The following DNAH7 variants were observed in gnomAD, a reference collection of about 807,000 sequenced individuals.
The protein encoded by DNAH7 is dynein axonemal heavy chain 7.
In DNAH7, 397 loss-of-function variants were observed where a neutral mutation model predicts 444.6. The ratio of observed to expected loss-of-function variants is 0.89; its 90% CI spans 0.82 to 0.97. DNAH7 has a LOEUF of 0.97. DNAH7 is among the 50% of genes least tolerant of loss of function. DNAH7 has a pLI of 0.00. For synonymous variants in DNAH7, 1,636 were observed against 1,624.4 expected (o/e 1.01, Z -0.17); for missense variants, 4,902 against 4,800.8 (o/e 1.02, Z -0.62).
rs1448542022 is a variant in DNAH7 at position 195,897,658 on chromosome 2, T to C, written c.4647+9A>G. The C allele has an allele frequency of 2.6e-6, 4 of 1,512,810 alleles. No homozygotes were observed. The highest frequency in any genetic ancestry group is 2.7e-6 in the Non-Finnish European group (3 of 1,098,082). 93.7% of individuals were successfully genotyped at this position (1,512,810 alleles called of 1,614,324 possible). A position where few individuals can be genotyped will look rare whatever the true frequency, so the allele number is the denominator to read the frequency against. On this transcript the variant is annotated intron_variant, in intron 29 of 64. Coordinates refer to ENST00000312428, the MANE Select transcript of DNAH7 (RefSeq NM_018897.3). ...AGTTTTGATGCATTGGGATAATGAA[T>C]GTTCTTACCTCAAAGAGTGGTAAAT...
chr2:195,989,799 T>C (rs779903415), intron 12 of DNAH7, among the ~76,000 whole-genome samples: 1 of 152,204 alleles, frequency 6.6e-6, no homozygotes, highest in Non-Finnish European at 1.5e-5. Flanking sequence ...CTCCTGCTCC[T>C]GCTCCTGCCA....
At chr2:196,068,164 G>A (rs1478022240) in intron 1 of DNAH7, among the ~76,000 whole-genome samples, 1 of 152,194 alleles carries the variant, frequency 6.6e-6, no homozygotes, top group Non-Finnish European at 1.5e-5. Flanking sequence ...GGCCTTTCAT[G>A]TATAGTATAA....
At chr2:195,994,646 C>A in intron 12 of DNAH7, 1 of 508,606 alleles carries the variant, frequency 2.0e-6, no homozygotes. Flanking sequence ...TCTGTAGGCT[C>A]TCTATTGAGT....
chr2:195,978,454 C>G (rs919512936), intron 15 of DNAH7, among the ~76,000 whole-genome samples: 4 of 151,688 alleles, frequency 2.6e-5, no homozygotes, highest in Non-Finnish European at 4.4e-5. Flanking sequence ...GAGAAAATCA[C>G]CTTCACTAAA....
intron 17 of DNAH7, among the ~76,000 whole-genome samples, chr2:195,967,606 ATTT>A (rs1212741454): frequency 1.5e-5 from 2 of 130,628 alleles, no homozygotes; most frequent in African/African-American, 8.0e-5. Context: ...TTTGAAGGGT[ATTT>A]TCATGATATA....
chr2:195,834,235 A>G lies in DNAH7; in HGVS notation c.9071T>C (p.Leu3024Pro), dbSNP rs1424315225. Residue 3024 changes from leucine (L) to proline (P), a missense_variant, in exon 48 of 65, where the codon CTG becomes CCG. By Grantham distance (98) the Leu-to-Pro change is moderately conservative. Coordinates refer to ENST00000312428, the MANE Select transcript of DNAH7 (RefSeq NM_018897.3). Reference protein sequence around the residue: ...KLSEPDYVRTLENCIQFGTPV... With the variant: ...KLSEPDYVRTPENCIQFGTPV... ...AGTACCAAACTGGATGCAATTTTCC[A>G]GAGTCCTGACATAGTCAGGTTCACT... 1 of 1,606,266 alleles carries G rather than the reference A, an allele frequency of 6.2e-7. No individual in the cohort carries two copies. Among genetic ancestry groups the G allele is most frequent in the Non-Finnish European group, 8.5e-7 (1 of 1,174,150 alleles).
chr2:195,863,882 G>C (rs1700163693), intron 41 of DNAH7, among the ~76,000 whole-genome samples: 1 of 152,064 alleles, frequency 6.6e-6, no homozygotes, highest in African/African-American at 2.4e-5. Context: ...GTTCAAGGTT[G>C]CTCTGTGCTT....
intron 46 of DNAH7, 34 bp downstream of exon 46, chr2:195,853,309 G>A (rs1699497288): frequency 1.3e-6 from 2 of 1,576,994 alleles, no homozygotes; most frequent in Non-Finnish European, 1.7e-6. Context: ...GTGATGGGCA[G>A]AGGGTCAGGA....
intron 15 of DNAH7, among the ~76,000 whole-genome samples, chr2:195,974,628 A>G (rs992234446): frequency 1.2e-4 from 19 of 152,162 alleles, no homozygotes; most frequent in African/African-American, 4.3e-4. Context: ...TTTAATGAAC[A>G]GGAATTTACA....
chr2:195,814,752 C>A (rs1430921646), intron 51 of DNAH7, among the ~76,000 whole-genome samples: 1 of 148,126 alleles, frequency 6.8e-6, no homozygotes, highest in South Asian at 2.1e-4. Context: ...TTTTTTTTTT[C>A]TTTTGGAGAT....
Position 195,777,785 on chromosome 2 carries a change from G to C in DNAH7, c.11064+15C>G, listed in dbSNP as rs766155512. 6.4e-7 allele frequency: 1 copy of C among 1,573,866 alleles called. No homozygotes were observed. Among genetic ancestry groups the C allele is most frequent in the Non-Finnish European group, 8.7e-7 (1 of 1,155,644 alleles). ...ATGTCTTACTGCTTTTAGTTTTTTT[G>C]AAGGGCATACTTACATCACCAGAAG... On this transcript the variant is annotated intron_variant, in intron 59 of 64. Coordinates refer to ENST00000312428, the MANE Select transcript of DNAH7 (RefSeq NM_018897.3).
At chr2:195,968,413 T>C (rs927720778) in intron 17 of DNAH7, among the ~76,000 whole-genome samples, 1 of 152,166 alleles carries the variant, frequency 6.6e-6, no homozygotes, top group Non-Finnish European at 1.5e-5. Flanking sequence ...ACATATGTCA[T>C]CTGGGAGATA....
At chr2:195,878,665 G>A (rs1278634489) in intron 36 of DNAH7, among the ~76,000 whole-genome samples, 1 of 152,092 alleles carries the variant, frequency 6.6e-6, no homozygotes. Context: ...TGAACAGTTT[G>A]GCAGTGAGCA....
Position 195,957,365 on chromosome 2 carries a change from G to A in DNAH7, c.2974C>T (p.Pro992Ser), listed in dbSNP as rs535726236. 1.9e-6 allele frequency: 3 copies of A among 1,606,670 alleles called. No homozygotes were observed. The Admixed American group carries it at 5.0e-5, about 27-fold the overall frequency. Residue 992 changes from proline (P) to serine (S), a missense_variant, in exon 19 of 65, where the codon CCC becomes TCC. Coordinates refer to ENST00000312428, the MANE Select transcript of DNAH7 (RefSeq NM_018897.3). ...KVQATWLYLE[P>S]IFSSPDIMSQ... ...ATAATGTCTGGAGAGCTGAAAATGG[G>A]CTCCAGATACAGCCACGTGGCTTGG... is the stretch of plus-strand genomic sequence containing the variant.
intron 1 of DNAH7, among the ~76,000 whole-genome samples, chr2:196,067,943 G>A (rs527408322): frequency 1.3e-5 from 2 of 152,158 alleles, no homozygotes; most frequent in African/African-American, 4.8e-5. Flanking sequence ...TTCCCATTCT[G>A]TGCTGATATT....
intron 33 of DNAH7, 59 bp from the exon 34 acceptor site, chr2:195,886,331 C>T (rs1163257298): frequency 1.4e-6 from 2 of 1,470,856 alleles, no homozygotes; most frequent in Non-Finnish European, 1.9e-6. Flanking sequence ...GCTAAAATAG[C>T]CCCAGCTAAT....
chr2:195,742,711 G>A (rs1693117703), intron 63 of DNAH7, among the ~76,000 whole-genome samples: 1 of 152,104 alleles, frequency 6.6e-6, no homozygotes, highest in African/African-American at 2.4e-5. Context: ...TGTCAGCTAT[G>A]GTTTTTCTAG....
intron 5 of DNAH7, among the ~76,000 whole-genome samples, chr2:196,028,457 A>G (rs1437269453): frequency 2.0e-5 from 3 of 152,220 alleles, no homozygotes; most frequent in Admixed American, 1.3e-4. Context: ...TTTGCAGAAG[A>G]CACAGACACA....
Position 195,949,244 on chromosome 2 carries a change from A to C in DNAH7, c.3078+8017T>G, listed in dbSNP as rs975082997. On this transcript the variant is annotated intron_variant, in intron 19 of 64. Coordinates refer to ENST00000312428, the MANE Select transcript of DNAH7 (RefSeq NM_018897.3). ...ATCATGTCATCTGCAAACAGAGACA[A>C]TCTGACTTCCTCTCTTCCTTTTTGA... Among the ~76,000 whole-genome samples, 6 of 152,280 alleles carry C rather than the reference A, an allele frequency of 3.9e-5. No individual in the cohort carries two copies. In the East Asian group the frequency reaches 9.7e-4, roughly 25 times the overall value.
Sources: allele counts gnomAD v4.1 joint callset (sites outside exome capture counted in the v4.1 genomes callset), GRCh38; gene constraint gnomAD v4.1.1; transcripts MANE v1.5; gene names NCBI Gene and HGNC (gene_info 2026-07-23, HGNC 2026-07-21).